The following STON1 variants were observed in gnomAD, a reference collection of about 807,000 sequenced individuals.
STON1 encodes the protein stonin 1, also known as stonin-1.
A neutral mutation model predicts 60.9 loss-of-function variants in STON1; 79 were observed. The ratio of observed to expected loss-of-function variants is 1.30; its 90% CI spans 1.08 to 1.56. The LOEUF (loss-of-function observed/expected upper bound fraction) is 1.56, where lower values mean the gene tolerates loss of function less well. Among genes scored for constraint, STON1 ranks in the 40% most tolerant of loss-of-function variants. The pLI, the probability that STON1 is intolerant of heterozygous loss-of-function variation, is 0.00. For missense variants in STON1, 1,166 were observed against 858.9 expected (o/e 1.36, Z -4.47); for synonymous variants, 363 against 306.9 (o/e 1.18, Z -1.91).
intron 1 of STON1, among the ~76,000 whole-genome samples, chr2:48,562,781 C>G (rs1672664667): frequency 1.3e-5 from 2 of 152,186 alleles, no homozygotes; most frequent in African/African-American, 2.4e-5. Flanking sequence ...CCTACAGGTT[C>G]TGTGGGTGGA....
chr2:48,535,406 C>T (rs1671383939), intron 1 of STON1, among the ~76,000 whole-genome samples: 1 of 152,086 alleles, frequency 6.6e-6, no homozygotes, highest in African/African-American at 2.4e-5. Flanking sequence ...AAAAAATGCC[C>T]ACATCCTGTA....
chr2:48,585,868 G>A (rs1356326487), intron 2 of STON1, among the ~76,000 whole-genome samples: 1 of 152,208 alleles, frequency 6.6e-6, no homozygotes, highest in Admixed American at 6.5e-5. Context: ...AGATGGTCTC[G>A]AGGACTAGAA....
intron 1 of STON1, among the ~76,000 whole-genome samples, chr2:48,565,152 A>G (rs1178147554): frequency 7.0e-6 from 1 of 142,752 alleles, no homozygotes; most frequent in South Asian, 2.2e-4. Context: ...TCCCAGGTTC[A>G]TGCCATTCTC....
intron 1 of STON1, among the ~76,000 whole-genome samples, chr2:48,551,521 C>T (rs538977195): frequency 1.3e-5 from 2 of 152,346 alleles, no homozygotes; most frequent in Admixed American, 6.5e-5. Context: ...GGTAAAGTCT[C>T]TGCCAGCTGT....
In STON1 at chr2:48,563,546, A is replaced by G. The variant is rs552141982; in HGVS notation, c.-47-17041A>G. ...GCCAGTACCCATGGTCATAGCAGACAGTGGGCAATAGAATACAAAAGGCCG... is the reference window on the plus strand; with the variant it reads ...GCCAGTACCCATGGTCATAGCAGACGGTGGGCAATAGAATACAAAAGGCCG... On this transcript the variant is annotated intron_variant, in intron 1 of 3. Coordinates refer to ENST00000404752, the MANE Select transcript of STON1 (RefSeq NM_006873.4). 6.9e-4 allele frequency among the ~76,000 whole-genome samples: 105 copies of G among 152,344 alleles called. 1 individual carries two copies. Among genetic ancestry groups the G allele is most frequent in the African/African-American group, 2.4e-3 (101 of 41,582 alleles).
At chr2:48,543,656 C>G (rs755720170) in intron 1 of STON1, among the ~76,000 whole-genome samples, 22 of 151,576 alleles carry the variant, frequency 1.5e-4, no homozygotes, top group Non-Finnish European at 2.7e-4. Context: ...CTCAGCCTCC[C>G]AAGTAGCTGG....
intron 1 of STON1, among the ~76,000 whole-genome samples, chr2:48,533,440 A>G (rs958466692): frequency 2.6e-5 from 4 of 151,674 alleles, no homozygotes; most frequent in Admixed American, 6.6e-5. Flanking sequence ...TGTAATCCCA[A>G]CATTTTGGGA....
rs1674748480 is a variant in STON1, at chr2:48,595,464, C to G, written c.*162C>G. On this transcript the variant is annotated 3_prime_UTR_variant, in exon 4 of 4. Coordinates refer to ENST00000404752, the MANE Select transcript of STON1 (RefSeq NM_006873.4). ...AAGTTTAGACCTAAAACCGAACAAT[C>G]TGTATTTTTTGCTTTTCATGTGTTT... 1.7e-6 allele frequency: 1 copy of G among 596,786 alleles called. No homozygotes were observed. Among genetic ancestry groups the G allele is most frequent in the Non-Finnish European group, 2.9e-6 (1 of 346,902 alleles). The allele number at this position is 596,786 out of a possible 1,614,324, so 37.0% of individuals were successfully genotyped here. A position where few individuals can be genotyped will look rare whatever the true frequency, so the allele number is the denominator to read the frequency against.
intron 2 of STON1, among the ~76,000 whole-genome samples, chr2:48,583,236 A>C (rs778913802): frequency 4.6e-5 from 7 of 152,172 alleles, no homozygotes; most frequent in Non-Finnish European, 7.3e-5. Context: ...TTACAGATGC[A>C]TACCATCGTG....
intron 1 of STON1, among the ~76,000 whole-genome samples, chr2:48,576,700 T>C (rs760076444): frequency 1.7e-4 from 26 of 152,172 alleles, no homozygotes; most frequent in Non-Finnish European, 3.5e-4. Context: ...GCATGATTTA[T>C]TTTCTTGCCG....
chr2:48,590,933 AG>A (rs1333484339), intron 2 of STON1, among the ~76,000 whole-genome samples: 7 of 152,318 alleles, frequency 4.6e-5, no homozygotes, highest in Admixed American at 1.3e-4. Flanking sequence ...CTGAAAGTTA[AG>A]TTTAACTTTT....
intron 2 of STON1, among the ~76,000 whole-genome samples, chr2:48,583,059 A>T (rs1219392542): frequency 6.6e-6 from 1 of 152,050 alleles, no homozygotes; most frequent in Non-Finnish European, 1.5e-5. Flanking sequence ...ATTTTTGTTG[A>T]CTGAATTCAC....
chr2:48,564,743 T>G (rs1672859811), intron 1 of STON1, among the ~76,000 whole-genome samples: 2 of 140,536 alleles, frequency 1.4e-5, no homozygotes, highest in Admixed American at 1.5e-4. Flanking sequence ...CTTTTTTTTT[T>G]TTTTTTTAAG....
intron 2 of STON1, among the ~76,000 whole-genome samples, chr2:48,585,977 G>A (rs1674184982): frequency 6.6e-6 from 1 of 152,248 alleles, no homozygotes; most frequent in African/African-American, 2.4e-5. Flanking sequence ...CCCACGTGGT[G>A]TGAGAGGGAC....
chr2:48,546,393 A>C (rs997679379), intron 1 of STON1, among the ~76,000 whole-genome samples: 2 of 152,072 alleles, frequency 1.3e-5, no homozygotes, highest in African/African-American at 4.8e-5. Flanking sequence ...AGCTCTGTGC[A>C]CTCTGTTCTG....
At chr2:48,548,320 T>C (rs968301779) in intron 1 of STON1, among the ~76,000 whole-genome samples, 1 of 152,156 alleles carries the variant, frequency 6.6e-6, no homozygotes, top group Non-Finnish European at 1.5e-5. Flanking sequence ...TTCCTTTCCT[T>C]CCATTCCACT....
chr2:48,548,573 A>C (rs1198812300), intron 1 of STON1, among the ~76,000 whole-genome samples: 10 of 148,740 alleles, frequency 6.7e-5, no homozygotes. Flanking sequence ...ATCTCGGCTC[A>C]CTGAAGCCTC....
At chr2:48,557,039 C>T (rs1453795852) in intron 1 of STON1, among the ~76,000 whole-genome samples, 2 of 103,150 alleles carry the variant, frequency 1.9e-5, no homozygotes, top group African/African-American at 7.2e-5. Flanking sequence ...CCCCACCTCC[C>T]TCCCGGATGG....
intron 1 of STON1, among the ~76,000 whole-genome samples, chr2:48,557,963 C>T (rs1672452690): frequency 4.6e-5 from 7 of 152,192 alleles, no homozygotes; most frequent in Admixed American, 4.6e-4. Context: ...TGGCTCATGC[C>T]TGTAATCCCA....
Sources: allele counts gnomAD v4.1 joint callset (sites outside exome capture counted in the v4.1 genomes callset), GRCh38; gene constraint gnomAD v4.1.1; transcripts MANE v1.5; gene names NCBI Gene and HGNC (gene_info 2026-07-23, HGNC 2026-07-21).